IFTAP: variants seen among roughly 807,000 people sequenced by gnomAD.
The protein encoded by IFTAP is intraflagellar transport associated protein.
A neutral mutation model predicts 19.4 loss-of-function variants in IFTAP; 19 were observed. The observed-to-expected ratio is 0.98, with a 90% CI of 0.68 to 1.44. The LOEUF (loss-of-function observed/expected upper bound fraction) is 1.44. Ranked by LOEUF, IFTAP falls within the 40% of genes most tolerant of loss-of-function variation. IFTAP has a pLI of 0.00. For synonymous variants in IFTAP, 85 were observed against 83.5 expected (o/e 1.02, Z -0.10); for missense variants, 240 against 253.6 (o/e 0.95, Z 0.36).
In IFTAP at chr11:36,600,633, T is replaced by G. The variant is rs568509962; in HGVS notation, c.-24+6041T>G. ...CTACTGCCTTAAAGAACATATATGA[T>G]AGTAGAATGAAGCAACTTTTGGTTG... is the stretch of plus-strand genomic sequence containing the variant. On this transcript the variant is annotated intron_variant, in intron 1 of 5. Coordinates refer to ENST00000334307, the MANE Select transcript of IFTAP (RefSeq NM_138787.4). Among the ~76,000 whole-genome samples the G allele has an allele frequency of 1.9e-4, 29 of 152,300 alleles. No individual in the cohort carries two copies. In the South Asian group the frequency reaches 6.0e-3, roughly 32 times the overall value.
At chr11:36,606,154 A>G (rs1484509151) in intron 1 of IFTAP, among the ~76,000 whole-genome samples, 2 of 152,210 alleles carry the variant, frequency 1.3e-5, no homozygotes, top group African/African-American at 4.8e-5. Flanking sequence ...GCATGTTCCA[A>G]AAGTCCTTTA....
intron 4 of IFTAP, among the ~76,000 whole-genome samples, chr11:36,640,908 C>T (rs1224267652): frequency 6.6e-6 from 1 of 152,092 alleles, no homozygotes; most frequent in East Asian, 1.9e-4. Flanking sequence ...ATTCAGTGTG[C>T]AAGATAGACC....
intron 2 of IFTAP, among the ~76,000 whole-genome samples, chr11:36,620,659 A>G: frequency 6.6e-6 from 1 of 151,988 alleles, no homozygotes. Context: ...GTAATTGGAT[A>G]AGGAAAGAAA....
At chr11:36,616,333 AT>A (rs1226991063) in intron 2 of IFTAP, among the ~76,000 whole-genome samples, 1 of 151,792 alleles carries the variant, frequency 6.6e-6, no homozygotes, top group Non-Finnish European at 1.5e-5. Flanking sequence ...TCTTTATGCT[AT>A]TCTCATTTCA....
chr11:36,595,286 G>A (rs774572619), intron 1 of IFTAP: 16 of 152,056 alleles, frequency 1.1e-4, no homozygotes, highest in African/African-American at 4.8e-5. Context: ...AGTAAGCAGG[G>A]ACTAAGCATA....
intron 2 of IFTAP, among the ~76,000 whole-genome samples, chr11:36,632,714 A>G (rs1453418600): frequency 6.6e-6 from 1 of 151,286 alleles, no homozygotes; most frequent in Non-Finnish European, 1.5e-5. Flanking sequence ...AACTATTAAA[A>G]TTACATGGAA....
chr11:36,659,148 A>C lies in IFTAP; in HGVS notation c.628A>C (p.Lys210Gln), dbSNP rs1337426527. The C allele has an allele frequency of 6.2e-7, 1 of 1,604,356 alleles. No individual in the cohort carries two copies. The highest frequency in any genetic ancestry group is 1.7e-5 in the Admixed American group (1 of 58,580). The part of the protein sequence containing the change: ...IKELCKQQKR[K>Q]DTSPDLEKSC... The stretch of plus-strand genomic sequence containing the variant: ...AGAGCTATGCAAGCAGCAGAAGAGA[A>C]AGGACACCAGCCCAGACTTAGAGAA... The change falls in exon 6 of 6, where the codon AAG becomes CAG. Residue 210 changes from lysine (K) to glutamine (Q), a missense_variant. Lys to Gln is a moderately conservative substitution (Grantham distance 53). Transcript: ENST00000334307.
At chr11:36,606,184 C>T (rs556749668) in intron 1 of IFTAP, among the ~76,000 whole-genome samples, 1 of 152,336 alleles carries the variant, frequency 6.6e-6, no homozygotes, top group African/African-American at 2.4e-5. Context: ...TAAGGCCACG[C>T]GCAGTGGCGC....
At chr11:36,646,224 G>A (rs935334072) in intron 4 of IFTAP, among the ~76,000 whole-genome samples, 4 of 152,148 alleles carry the variant, frequency 2.6e-5, no homozygotes, top group South Asian at 2.1e-4. Flanking sequence ...TTTAAATAGC[G>A]CTGAAAGCAG....
chr11:36,640,087 AGTT>A (rs1853137800), intron 4 of IFTAP, among the ~76,000 whole-genome samples: 2 of 152,008 alleles, frequency 1.3e-5, no homozygotes, highest in African/African-American at 2.4e-5. Context: ...TAGCTTTTCT[AGTT>A]GTTGATGGTG....
chr11:36,652,058 C>T (rs1853760233), intron 5 of IFTAP, among the ~76,000 whole-genome samples: 1 of 152,068 alleles, frequency 6.6e-6, no homozygotes, highest in African/African-American at 2.4e-5. Flanking sequence ...TCCATATGAA[C>T]TTTAAAGTAG....
intron 2 of IFTAP, among the ~76,000 whole-genome samples, chr11:36,629,611 TTAAAAA>T (rs1188985355): frequency 6.6e-6 from 1 of 151,510 alleles, no homozygotes; most frequent in Admixed American, 6.6e-5. Context: ...ATTGAGTTCT[TTAAAAA>T]TAATCACTTT....
intron 1 of IFTAP, among the ~76,000 whole-genome samples, chr11:36,605,171 T>C (rs2133363229): frequency 6.6e-6 from 1 of 152,260 alleles, no homozygotes; most frequent in Admixed American, 6.5e-5. Flanking sequence ...TATCCCATCT[T>C]ACCTTTCAGT....
At chr11:36,596,345 A>G (rs946406943) in intron 1 of IFTAP, among the ~76,000 whole-genome samples, 1 of 151,796 alleles carries the variant, frequency 6.6e-6, no homozygotes, top group African/African-American at 2.4e-5. Context: ...TCTTTCAACA[A>G]TTATCTGGTG....
intron 2 of IFTAP, among the ~76,000 whole-genome samples, chr11:36,611,393 A>G (rs535686771): frequency 2.0e-5 from 3 of 149,782 alleles, no homozygotes; most frequent in Non-Finnish European, 4.4e-5. Context: ...GTATTTTATT[A>G]AAAAAACCTC....
intron 5 of IFTAP, among the ~76,000 whole-genome samples, chr11:36,657,125 T>G (rs1038213456): frequency 1.3e-5 from 2 of 152,140 alleles, no homozygotes; most frequent in African/African-American, 4.8e-5. Context: ...CCCATCAGAC[T>G]GAATATATTG....
At position 36,613,135 on chromosome 11, in the gene IFTAP, T is replaced by A. The variant is rs143225839; in HGVS notation, c.136+2896T>A. Among the ~76,000 whole-genome samples the A allele has an allele frequency of 2.6e-5, 4 of 152,176 alleles. No individual in the cohort carries two copies. In the East Asian group the frequency reaches 7.7e-4, roughly 29 times the overall value. ...GGAGGGTAAATCAAATTCTAAGATA[T>A]GTATTAGAAAATTAGCATGCAGATT... On this transcript the variant is annotated intron_variant, in intron 2 of 5. Coordinates refer to ENST00000334307, the MANE Select transcript of IFTAP (RefSeq NM_138787.4).
intron 3 of IFTAP, among the ~76,000 whole-genome samples, chr11:36,635,807 C>T (rs1480347722): frequency 2.6e-5 from 4 of 152,158 alleles, no homozygotes; most frequent in African/African-American, 9.7e-5. Flanking sequence ...TTTTCCCTTT[C>T]AGTGCAGAGG....
At chr11:36,623,465 A>G (rs968342966) in intron 2 of IFTAP, among the ~76,000 whole-genome samples, 1 of 152,008 alleles carries the variant, frequency 6.6e-6, no homozygotes, top group African/African-American at 2.4e-5. Context: ...GTGAAAAAGG[A>G]TGATGGGTTA....
Sources: gnomAD v4.1 joint callset for allele counts (sites outside exome capture counted in the v4.1 genomes callset) on GRCh38, gnomAD v4.1.1 for gene constraint, MANE v1.5 for transcripts, NCBI Gene and HGNC (gene_info 2026-07-23, HGNC 2026-07-21) for gene names.